Variants in RGS7 observed in about 807,000 individuals in gnomAD.
The protein encoded by RGS7 is regulator of G protein signaling 7.
Under a neutral mutation model 81.1 loss-of-function variants are expected in RGS7, and 27 were observed. The ratio of observed to expected loss-of-function variants is 0.33; its 90% CI spans 0.25 to 0.46. The LOEUF is 0.46. Ranked by LOEUF, RGS7 falls within the 20% of genes least tolerant of loss-of-function variation. The pLI, the probability that RGS7 is intolerant of heterozygous loss-of-function variation, is 1.00. For missense variants in RGS7, 396 were observed against 607.4 expected, an observed-to-expected ratio of 0.65 and a Z score of 3.66; for synonymous variants, 208 against 207.7, an observed-to-expected ratio of 1.00 and a Z score of -0.01.
intron 3 of RGS7, among the ~76,000 whole-genome samples, chr1:241,023,286 G>A (rs550085096): frequency 6.6e-6 from 1 of 152,130 alleles, no homozygotes; most frequent in Non-Finnish European, 1.5e-5. Context: ...GTTTTAGAGC[G>A]CTTACTTTAG....
chr1:240,922,727 A>G (rs1308101151), intron 6 of RGS7, among the ~76,000 whole-genome samples: 1 of 152,126 alleles, frequency 6.6e-6, no homozygotes, highest in African/African-American at 2.4e-5. Context: ...AAATGCTGGT[A>G]AGGATGTGGA....
At chr1:241,021,180 G>A (rs547865953) in intron 3 of RGS7, among the ~76,000 whole-genome samples, 3 of 152,094 alleles carry the variant, frequency 2.0e-5, no homozygotes, top group South Asian at 4.2e-4. Flanking sequence ...TACACTTAGC[G>A]ATCCTCCTCT....
rs141812342 is a variant in RGS7 at position 241,033,318 on chromosome 1, T to G, written c.176-50189A>C. Among the ~76,000 whole-genome samples, 561 of 152,178 alleles carry G rather than the reference T, an allele frequency of 3.7e-3. 2 individuals are homozygous for G. Among genetic ancestry groups the G allele is most frequent in the African/African-American group, 0.012 (517 of 41,540 alleles). ...GTGAGCCAAGATTGCCCCACTGCACTCCAGCCTGGGTGACAGAGCGAGAGT... is the reference window on the plus strand; with the variant it reads ...GTGAGCCAAGATTGCCCCACTGCACGCCAGCCTGGGTGACAGAGCGAGAGT... On this transcript the variant is annotated intron_variant, in intron 3 of 18. Coordinates refer to ENST00000440928, the MANE Select transcript of RGS7 (RefSeq NM_001364886.1).
intron 2 of RGS7, among the ~76,000 whole-genome samples, chr1:241,313,995 G>A (rs1345415821): frequency 6.6e-6 from 1 of 152,170 alleles, no homozygotes; most frequent in East Asian, 1.9e-4. Flanking sequence ...AACTTGAACA[G>A]ATGAGGACTT....
chr1:241,057,923 ATGT>A (rs1162420865), intron 3 of RGS7, among the ~76,000 whole-genome samples: 3 of 152,114 alleles, frequency 2.0e-5, no homozygotes, highest in African/African-American at 7.2e-5. Flanking sequence ...CTTGGATCTC[ATGT>A]TGTTATAGTA....
At chr1:241,024,467 T>C (rs992958115) in intron 3 of RGS7, among the ~76,000 whole-genome samples, 3 of 152,218 alleles carry the variant, frequency 2.0e-5, no homozygotes, top group African/African-American at 7.2e-5. Flanking sequence ...CTCTTGATTA[T>C]CCAGCAGGAA....
At chr1:241,273,489 ATTTGTTTGT>A (rs1435487270) in intron 2 of RGS7, among the ~76,000 whole-genome samples, 7 of 151,262 alleles carry the variant, frequency 4.6e-5, no homozygotes, top group African/African-American at 1.7e-4. Flanking sequence ...TTTTTTGTTC[ATTTGTTTGT>A]TTTGTTTGTT....
At chr1:240,932,935 C>A (rs535992304) in intron 5 of RGS7, among the ~76,000 whole-genome samples, 1 of 111,366 alleles carries the variant, frequency 9.0e-6, no homozygotes, top group Non-Finnish European at 1.7e-5. Context: ...CCAGGCTGGA[C>A]TGCAGTGGCG....
In RGS7 at chr1:241,164,587, C is replaced by T. The variant is rs2070030798; in HGVS notation, c.79-65825G>A. On this transcript the variant is annotated intron_variant, in intron 2 of 18. Coordinates refer to ENST00000440928, the MANE Select transcript of RGS7 (RefSeq NM_001364886.1). This position sits in a 1 kb window ranked among gnomAD's most constrained non-coding sequence, Gnocchi z 4.1. Reference sequence around the variant, plus strand: ...TATATTCTACAATATCACAGGAGTCCTTGACCAAACTAGATAGGCCAGGTC... The same window carrying T: ...TATATTCTACAATATCACAGGAGTCTTTGACCAAACTAGATAGGCCAGGTC... 1.3e-5 allele frequency among the ~76,000 whole-genome samples: 2 copies of T among 152,110 alleles called. No homozygotes were observed. The highest frequency in any genetic ancestry group is 4.8e-5 in the African/African-American group (2 of 41,426).
chr1:240,842,513 T>C (rs1234685167), intron 9 of RGS7, among the ~76,000 whole-genome samples: 3 of 151,982 alleles, frequency 2.0e-5, no homozygotes. Context: ...TTTGAGGAAG[T>C]TGCTTATGAA....
At chr1:241,284,338 G>A (rs2078680547) in intron 2 of RGS7, among the ~76,000 whole-genome samples, 1 of 152,058 alleles carries the variant, frequency 6.6e-6, no homozygotes, top group South Asian at 2.1e-4. Context: ...CCAGTTGGAG[G>A]TAGAAGTCTA....
intron 3 of RGS7, among the ~76,000 whole-genome samples, chr1:241,035,315 G>T (rs1329844169): frequency 6.6e-6 from 1 of 151,702 alleles, no homozygotes; most frequent in Non-Finnish European, 1.5e-5. Context: ...ATGGAAGAAT[G>T]CAGGGATGCA....
intron 3 of RGS7, among the ~76,000 whole-genome samples, chr1:241,012,809 A>C (rs948861764): frequency 9.2e-5 from 14 of 152,162 alleles, no homozygotes; most frequent in Non-Finnish European, 1.3e-4. Flanking sequence ...GTAAAAGGAG[A>C]CTAAAAGTCT....
intron 3 of RGS7, among the ~76,000 whole-genome samples, chr1:241,041,180 T>C (rs2060595472): frequency 6.6e-6 from 1 of 152,200 alleles, no homozygotes; most frequent in Non-Finnish European, 1.5e-5. Context: ...TTCTGAGATA[T>C]TGATAAGCGG....
At chr1:240,896,022 ATT>A (rs148280486) in intron 6 of RGS7, among the ~76,000 whole-genome samples, 3,480 of 152,198 alleles carry the variant, frequency 0.023, 128 homozygotes, top group African/African-American at 0.077. Flanking sequence ...TTTGATTTGC[ATT>A]TCTCTGATGG....
intron 2 of RGS7, among the ~76,000 whole-genome samples, chr1:241,129,116 T>C (rs769166969): frequency 1.3e-5 from 2 of 152,162 alleles, no homozygotes; most frequent in Non-Finnish European, 2.9e-5. Context: ...ACAGAAGTGA[T>C]ATAAAAACAG....
At chr1:241,041,514 AC>A (rs1459426590) in intron 3 of RGS7, among the ~76,000 whole-genome samples, 1 of 152,272 alleles carries the variant, frequency 6.6e-6, no homozygotes, top group East Asian at 1.9e-4. Context: ...CCCTGTCTCT[AC>A]CTTGACAGTA....
intron 4 of RGS7, among the ~76,000 whole-genome samples, chr1:240,942,601 T>G (rs1175890810): frequency 1.3e-5 from 2 of 152,264 alleles, no homozygotes; most frequent in East Asian, 3.9e-4. Context: ...GGAGAAATAT[T>G]TTAAAAGAAA....
intron 2 of RGS7, among the ~76,000 whole-genome samples, chr1:241,355,220 A>G (rs1479138177): frequency 6.6e-6 from 1 of 152,262 alleles, no homozygotes; most frequent in Non-Finnish European, 1.5e-5. Flanking sequence ...AGAATTGTTT[A>G]GTCAAGAACG....
Sources: allele counts gnomAD v4.1 joint callset (sites outside exome capture counted in the v4.1 genomes callset), GRCh38; gene constraint gnomAD v4.1.1; non-coding constraint Gnocchi (gnomAD v3.1); transcripts MANE v1.5; gene names NCBI Gene and HGNC (gene_info 2026-07-23, HGNC 2026-07-21).